The following CNOT6L variants were observed in gnomAD, a reference collection of about 807,000 sequenced individuals.
CNOT6L encodes CCR4-NOT transcription complex subunit 6 like, also known as CCR4-NOT transcription complex subunit 6-like.
Under a neutral mutation model 64.0 loss-of-function variants are expected in CNOT6L, and 7 were observed. That is an observed-to-expected ratio of 0.11 (90% CI 0.06 to 0.21). CNOT6L has a LOEUF of 0.21. Ranked by LOEUF, CNOT6L falls within the 10% of genes least tolerant of loss-of-function variation. CNOT6L has a pLI of 1.00. For missense variants in CNOT6L, 245 were observed against 669.0 expected (o/e 0.37, Z 6.99); for synonymous variants, 193 against 243.4 (o/e 0.79, Z 1.93).
rs1352438033 is a variant in CNOT6L at position 77,756,965 on chromosome 4, C to T, written c.401-14G>A. ...ATAAAGGATTGCCTAAAGCAGAAGA[C>T]AAAAATAAAACCTTTAAAACTTATA... On this transcript the variant is annotated splice_polypyrimidine_tract_variant and intron_variant, in intron 4 of 11. Coordinates refer to ENST00000504123, the MANE Select transcript of CNOT6L (RefSeq NM_144571.3). The T allele has an allele frequency of 6.7e-7, 1 of 1,499,144 alleles. No individual in the cohort carries two copies. Among genetic ancestry groups the T allele is most frequent in the Non-Finnish European group, 9.2e-7 (1 of 1,092,656 alleles). The allele number at this position is 1,499,144 out of a possible 1,614,324, so 92.9% of individuals were successfully genotyped here. A position where few individuals can be genotyped will look rare whatever the true frequency, so the allele number is the denominator to read the frequency against.
rs1032655951 is a variant in CNOT6L, at chr4:77,807,381, TA to T, written c.5+11922del. ...GCAACATAGCAAAATCTCCATCTCTTAAAAAAAAAACTCACAGTCTAACGCA... is the reference window on the plus strand; with the variant it reads ...GCAACATAGCAAAATCTCCATCTCTTAAAAAAAAACTCACAGTCTAACGCA... On this transcript the variant is annotated intron_variant, in intron 1 of 11. Coordinates refer to ENST00000504123, the MANE Select transcript of CNOT6L (RefSeq NM_144571.3). Among the ~76,000 whole-genome samples the T allele has an allele frequency of 6.1e-5, 9 of 147,414 alleles. No homozygotes were observed. The South Asian group carries it at 1.1e-3, about 18-fold the overall frequency.
chr4:77,811,747 C>CA (rs1468356949), intron 1 of CNOT6L, among the ~76,000 whole-genome samples: 1 of 152,096 alleles, frequency 6.6e-6, no homozygotes, highest in Non-Finnish European at 1.5e-5. Flanking sequence ...CTCACACAAA[C>CA]AAACACTCAA....
At chr4:77,812,709 C>G (rs1733096075) in intron 1 of CNOT6L, among the ~76,000 whole-genome samples, 1 of 152,066 alleles carries the variant, frequency 6.6e-6, no homozygotes, top group Non-Finnish European at 1.5e-5. Context: ...ATCCCATGTT[C>G]ATGGACAGGA....
chr4:77,777,517 A>G (rs930928059), intron 1 of CNOT6L, among the ~76,000 whole-genome samples: 2 of 152,224 alleles, frequency 1.3e-5, no homozygotes, highest in African/African-American at 4.8e-5. Flanking sequence ...AAGGGGTCCA[A>G]TATAAGAAGT....
intron 5 of CNOT6L, among the ~76,000 whole-genome samples, chr4:77,753,861 TAAAG>T (rs1725145652): frequency 8.0e-6 from 1 of 124,878 alleles, no homozygotes; most frequent in Non-Finnish European, 1.7e-5. Context: ...CTCATCTTAA[TAAAG>T]AAAAGCATCT....
chr4:77,776,195 A>G (rs1728122735), intron 2 of CNOT6L, 76 bp downstream of exon 2: 3 of 1,466,452 alleles, frequency 2.0e-6, no homozygotes, highest in Middle Eastern at 2.5e-4. Context: ...AAAATGTACA[A>G]CAAAAAATAT....
chr4:77,806,407 A>G (rs922316398), intron 1 of CNOT6L, among the ~76,000 whole-genome samples: 2 of 152,050 alleles, frequency 1.3e-5, no homozygotes, highest in African/African-American at 4.8e-5. Context: ...CCTAGGCAAC[A>G]AGAGCAAAAC....
chr4:77,782,667 A>G, intron 1 of CNOT6L, among the ~76,000 whole-genome samples: 1 of 144,054 alleles, frequency 6.9e-6, no homozygotes. Flanking sequence ...TTTTAAAGAG[A>G]CAGTGTCTAC....
At chr4:77,770,315 C>CTA (rs932623528) in intron 4 of CNOT6L, among the ~76,000 whole-genome samples, 1 of 152,172 alleles carries the variant, frequency 6.6e-6, no homozygotes, top group Non-Finnish European at 1.5e-5. Context: ...CATTGTTTAA[C>CTA]TATATCACAG....
Position 77,773,173 on chromosome 4 carries a change from T to TAAA in CNOT6L, c.315-10_315-8dup. On this transcript the variant is annotated splice_polypyrimidine_tract_variant and splice_region_variant and intron_variant, in intron 3 of 11. Coordinates refer to ENST00000504123, the MANE Select transcript of CNOT6L (RefSeq NM_144571.3). ...GTTATTTAAAAGCAATTCCCTGTTT[T>TAAA]AAAAAAAAAAAAAAAATTAGTTTAA... 1.5e-5 allele frequency: 19 copies of TAAA among 1,280,072 alleles called. No homozygotes were observed. Among genetic ancestry groups the TAAA allele is most frequent in the Admixed American group, 2.7e-5 (1 of 37,134 alleles). 79.3% of individuals were successfully genotyped at this position (1,280,072 alleles called of 1,614,324 possible). A position where few individuals can be genotyped will look rare whatever the true frequency, so the allele number is the denominator to read the frequency against.
At chr4:77,747,027 C>G (rs1271831541) in intron 6 of CNOT6L, among the ~76,000 whole-genome samples, 1 of 151,372 alleles carries the variant, frequency 6.6e-6, no homozygotes, top group Non-Finnish European at 1.5e-5. Context: ...ATATATCCCA[C>G]ATTTCCAAAT....
rs1190346828 is a variant in CNOT6L at position 77,742,178 on chromosome 4, G to A, written c.835C>T (p.His279Tyr). ...AAGAATATTGCACAACCATCTACAT[G>A]CTTTCTCTCCTGCTCAGACATGATT... ...AKIMSEQERK[H>Y]VDGCAIFFKT... Residue 279 changes from histidine (H) to tyrosine (Y), a missense_variant, in exon 8 of 12, where the codon CAT becomes TAT. This residue lies in a region of CNOT6L where 94 missense variants were observed against 290.9 expected (regional missense o/e 0.32). Transcript: ENST00000504123. The A allele has an allele frequency of 6.2e-7, 1 of 1,613,394 alleles. No individual in the cohort carries two copies. Among genetic ancestry groups the A allele is most frequent in the Non-Finnish European group, 8.5e-7 (1 of 1,179,642 alleles).
intron 8 of CNOT6L, among the ~76,000 whole-genome samples, chr4:77,738,305 C>T (rs1723196032): frequency 6.6e-6 from 1 of 152,112 alleles, no homozygotes; most frequent in African/African-American, 2.4e-5. Context: ...AACTGCTAAC[C>T]TCAGGAACAG....
At chr4:77,793,426 G>A (rs1730407180) in intron 1 of CNOT6L, among the ~76,000 whole-genome samples, 1 of 152,174 alleles carries the variant, frequency 6.6e-6, no homozygotes, top group Non-Finnish European at 1.5e-5. Context: ...AGTTGGAGGT[G>A]CTTTAATTAT....
chr4:77,778,533 G>A (rs1316628120), intron 1 of CNOT6L, among the ~76,000 whole-genome samples: 1 of 152,074 alleles, frequency 6.6e-6, no homozygotes, highest in Non-Finnish European at 1.5e-5. Context: ...AGCCTCCTGA[G>A]TAGCTGAGGT....
At chr4:77,803,077 A>G (rs897496179) in intron 1 of CNOT6L, among the ~76,000 whole-genome samples, 3 of 152,204 alleles carry the variant, frequency 2.0e-5, no homozygotes, top group African/African-American at 7.2e-5. Context: ...TGCAATATTG[A>G]TAATGAGCAA....
chr4:77,743,111 A>G (rs1344658638), intron 7 of CNOT6L, among the ~76,000 whole-genome samples: 2 of 152,188 alleles, frequency 1.3e-5, no homozygotes, highest in East Asian at 3.8e-4. Context: ...TACTTAATGT[A>G]TAGAAGAAAA....
intron 4 of CNOT6L, among the ~76,000 whole-genome samples, chr4:77,770,127 C>T (rs780268578): frequency 1.3e-5 from 2 of 152,130 alleles, no homozygotes; most frequent in African/African-American, 4.8e-5. Flanking sequence ...CCTCAAATAA[C>T]TTACTCTCCA....
intron 1 of CNOT6L, among the ~76,000 whole-genome samples, chr4:77,785,894 A>C (rs909630141): frequency 6.6e-6 from 1 of 152,220 alleles, no homozygotes; most frequent in Admixed American, 6.5e-5. Context: ...TTAAAGAATG[A>C]ACAGGAATCA....
Sources: gnomAD v4.1 joint callset for allele counts (sites outside exome capture counted in the v4.1 genomes callset) on GRCh38, gnomAD v4.1.1 for gene constraint, gnomAD v4.1.1 regional missense constraint, MANE v1.5 for transcripts, NCBI Gene and HGNC (gene_info 2026-07-23, HGNC 2026-07-21) for gene names.